The following ADAMTSL1 variants were observed in gnomAD, a reference collection of about 807,000 sequenced individuals.
The protein encoded by ADAMTSL1 is ADAMTS-like protein 1.
In ADAMTSL1, 126 loss-of-function variants were observed where a neutral mutation model predicts 201.8. The observed-to-expected ratio is 0.62, with a 90% CI of 0.54 to 0.72. ADAMTSL1 has a LOEUF of 0.72. ADAMTSL1 is among the 30% of genes least tolerant of loss of function. ADAMTSL1 has a pLI of 0.00. For synonymous variants in ADAMTSL1, 1,121 were observed against 903.4 expected (o/e 1.24, Z -4.32); for missense variants, 2,679 against 2,277.8 (o/e 1.18, Z -3.59).
At chr9:18,118,136 C>T (rs999369129) in intron 1 of ADAMTSL1, among the ~76,000 whole-genome samples, 4 of 152,136 alleles carry the variant, frequency 2.6e-5, no homozygotes, top group Admixed American at 2.6e-4. Context: ...CATAAGTTAT[C>T]TTTCTATTTG....
chr9:18,386,030 A>G (rs1315958166), intron 2 of ADAMTSL1, among the ~76,000 whole-genome samples: 4 of 152,180 alleles, frequency 2.6e-5, no homozygotes, highest in Non-Finnish European at 5.9e-5. Context: ...GCATAATAAA[A>G]CAAGCATCCG....
intron 20 of ADAMTSL1, among the ~76,000 whole-genome samples, chr9:18,815,342 A>G (rs927731509): frequency 6.6e-6 from 1 of 151,838 alleles, no homozygotes; most frequent in Non-Finnish European, 1.5e-5. Context: ...TAAAGAAAAT[A>G]TGGTATATAT....
At chr9:18,290,979 C>T (rs993454274) in intron 2 of ADAMTSL1, among the ~76,000 whole-genome samples, 1 of 152,016 alleles carries the variant, frequency 6.6e-6, no homozygotes, top group African/African-American at 2.4e-5. Context: ...GTCGGGGTTT[C>T]ACCTTGTTAG....
intron 2 of ADAMTSL1, among the ~76,000 whole-genome samples, chr9:18,254,243 A>G (rs1228478374): frequency 6.8e-6 from 1 of 147,510 alleles, no homozygotes; most frequent in Non-Finnish European, 1.5e-5. Flanking sequence ...GTTAGTCATC[A>G]TTATTATTTG....
At position 18,064,953 on chromosome 9, in the gene ADAMTSL1, GATT is replaced by G. The variant is rs1822627072; in HGVS notation, c.88-98908_88-98906del. ...GATTCAGAAAGCAGTATTTGCTAAA[GATT>G]TTTTTTTTTTTTTTTTTTTTTTTTT... is the stretch of plus-strand genomic sequence containing the variant. On this transcript the variant is annotated intron_variant, in intron 1 of 29. Transcript: ENST00000680146. Among the ~76,000 whole-genome samples, 4 of 84,690 alleles carry G rather than the reference GATT, an allele frequency of 4.7e-5. No homozygotes were observed. In the Admixed American group the frequency reaches 6.5e-4, roughly 14 times the overall value. The allele number at this position is 84,690 out of a possible 152,430, so 55.6% of individuals were successfully genotyped here.
chr9:18,317,321 A>C lies in ADAMTSL1; in HGVS notation c.207+153340A>C, dbSNP rs1288358079. ...AAGTTCTGGGGGTCGAATGTACAGC[A>C]TGGTGACTTTTATTAATAATACTGT... On this transcript the variant is annotated intron_variant, in intron 2 of 29. Coordinates refer to the ADAMTSL1 transcript ENST00000680146. Among the ~76,000 whole-genome samples, 5 of 152,174 alleles carry C rather than the reference A, an allele frequency of 3.3e-5. No individual in the cohort carries two copies. The East Asian group carries it at 9.7e-4, about 29-fold the overall frequency.
chr9:18,517,351 C>G (rs1347110468), intron 2 of ADAMTSL1, among the ~76,000 whole-genome samples: 1 of 151,510 alleles, frequency 6.6e-6, no homozygotes, highest in Admixed American at 6.6e-5. Flanking sequence ...AAAATAGAGC[C>G]CAATTTTTTT....
intron 2 of ADAMTSL1, among the ~76,000 whole-genome samples, chr9:18,420,713 A>G (rs112826585): frequency 1.3e-5 from 2 of 152,252 alleles, no homozygotes. Flanking sequence ...CAGGCAGCAC[A>G]TGGGAAGCTC....
At chr9:18,700,575 G>T (rs899315022) in intron 13 of ADAMTSL1, among the ~76,000 whole-genome samples, 3 of 152,064 alleles carry the variant, frequency 2.0e-5, no homozygotes, top group Non-Finnish European at 4.4e-5. Context: ...CTCAAGGATT[G>T]CCCAGAATCA....
At chr9:18,613,780 C>T (rs973191318) in intron 4 of ADAMTSL1, among the ~76,000 whole-genome samples, 2 of 152,100 alleles carry the variant, frequency 1.3e-5, no homozygotes, top group Admixed American at 1.3e-4. Context: ...CTATTGGGTA[C>T]TAGGCTTAGT....
intron 1 of ADAMTSL1, among the ~76,000 whole-genome samples, chr9:17,922,729 AT>A (rs33975989): frequency 0.98 from 149,875 of 152,204 alleles, 73,797 homozygotes; most frequent in East Asian, 1. Flanking sequence ...CTGCTCAGTG[AT>A]TTTTTTCCCA....
intron 2 of ADAMTSL1, among the ~76,000 whole-genome samples, chr9:18,252,214 A>G (rs1188166387): frequency 6.6e-6 from 1 of 152,132 alleles, no homozygotes; most frequent in Non-Finnish European, 1.5e-5. Context: ...TTCTATAATT[A>G]TTTTTTAAAG....
At chr9:18,725,235 G>A (rs1456960629) in intron 15 of ADAMTSL1, among the ~76,000 whole-genome samples, 1 of 152,166 alleles carries the variant, frequency 6.6e-6, no homozygotes, top group African/African-American at 2.4e-5. Context: ...TATCATGTAT[G>A]TATGGCAAAG....
intron 1 of ADAMTSL1, among the ~76,000 whole-genome samples, chr9:18,123,358 C>T (rs1161891406): frequency 1.3e-5 from 2 of 152,262 alleles, no homozygotes; most frequent in South Asian, 2.1e-4. Flanking sequence ...GAAAGCCATT[C>T]TGTGTGCCTC....
chr9:18,391,824 C>CTTTTTTTTTTTTT (rs11407945), intron 2 of ADAMTSL1, among the ~76,000 whole-genome samples: 7 of 116,738 alleles, frequency 6.0e-5, no homozygotes, highest in African/African-American at 9.7e-5. Context: ...TCTTTTCTTT[C>CTTTTTTTTTTTTT]TTTTTTTTTT....
chr9:18,117,370 C>G lies in ADAMTSL1; in HGVS notation c.88-46492C>G, dbSNP rs148106788. Among the ~76,000 whole-genome samples, 386 of 152,272 alleles carry G rather than the reference C, an allele frequency of 2.5e-3. 2 individuals carry two copies. Among genetic ancestry groups the G allele is most frequent in the African/African-American group, 8.7e-3 (363 of 41,564 alleles). ...TCCTACCGCCTTCACCCTCGCTTCT[C>G]TGGTCCAGCCACACTGGCTCATTGG... On this transcript the variant is annotated intron_variant, in intron 1 of 29. Coordinates refer to the ADAMTSL1 transcript ENST00000680146.
At chr9:18,293,912 G>A (rs940241918) in intron 2 of ADAMTSL1, among the ~76,000 whole-genome samples, 1 of 152,128 alleles carries the variant, frequency 6.6e-6, no homozygotes, top group African/African-American at 2.4e-5. Flanking sequence ...GGTGGAGGAG[G>A]AGGTGATATA....
chr9:18,237,293 C>A (rs1383013957), intron 2 of ADAMTSL1, among the ~76,000 whole-genome samples: 1 of 152,300 alleles, frequency 6.6e-6, no homozygotes, highest in Admixed American at 6.5e-5. Flanking sequence ...TGTTTACCAG[C>A]TCAGGAGGAA....
intron 20 of ADAMTSL1, among the ~76,000 whole-genome samples, chr9:18,798,392 C>G (rs1822566227): frequency 6.6e-6 from 1 of 152,142 alleles, no homozygotes; most frequent in Admixed American, 6.5e-5. Context: ...GCACCTGACT[C>G]AGAAAGTTCT....
Sources: allele counts gnomAD v4.1 joint callset (sites outside exome capture counted in the v4.1 genomes callset), GRCh38; gene constraint gnomAD v4.1.1; transcripts MANE v1.5; gene names NCBI Gene and HGNC (gene_info 2026-07-23, HGNC 2026-07-21).